LRFN2: variants seen among roughly 807,000 people sequenced by gnomAD.
LRFN2 encodes the protein leucine-rich repeat and fibronectin type-III domain-containing protein 2.
In LRFN2, 18 loss-of-function variants were observed where a neutral mutation model predicts 37.3. The ratio of observed to expected loss-of-function variants is 0.48; its 90% CI spans 0.33 to 0.72. LRFN2 has a LOEUF of 0.72. LRFN2 is among the 30% of genes least tolerant of loss of function. The pLI, the probability that LRFN2 is intolerant of heterozygous loss-of-function variation, is 0.02. For missense variants in LRFN2, 1,006 were observed against 1,060.7 expected (o/e 0.95, Z 0.72); for synonymous variants, 556 against 466.6 (o/e 1.19, Z -2.47).
chr6:40,458,218 T>A (rs761357506), intron 1 of LRFN2, among the ~76,000 whole-genome samples: 1 of 152,204 alleles, frequency 6.6e-6, no homozygotes, highest in Non-Finnish European at 1.5e-5. Context: ...GAGGAACAGA[T>A]GAAACCACTG....
chr6:40,466,741 C>T (rs180820276), intron 1 of LRFN2, among the ~76,000 whole-genome samples: 143 of 152,216 alleles, frequency 9.4e-4, no homozygotes, highest in African/African-American at 2.8e-3. Flanking sequence ...ATGAGGACAA[C>T]GTGTGCTTTA....
At chr6:40,493,563 G>A (rs1765146955) in intron 1 of LRFN2, among the ~76,000 whole-genome samples, 2 of 152,186 alleles carry the variant, frequency 1.3e-5, no homozygotes, top group African/African-American at 4.8e-5. Flanking sequence ...TACAATGGAT[G>A]AGGCCAAATG....
intron 1 of LRFN2, among the ~76,000 whole-genome samples, chr6:40,486,497 T>TG (rs985200360): frequency 6.6e-6 from 1 of 151,926 alleles, no homozygotes; most frequent in Admixed American, 6.6e-5. Flanking sequence ...ATGATGGGCT[T>TG]GGGGGGATGG....
intron 1 of LRFN2, among the ~76,000 whole-genome samples, chr6:40,571,409 AG>A (rs1173432594): frequency 6.6e-6 from 1 of 152,160 alleles, no homozygotes; most frequent in African/African-American, 2.4e-5. Flanking sequence ...CCCTCAGTAG[AG>A]CCCCTCCTCT....
intron 1 of LRFN2, among the ~76,000 whole-genome samples, chr6:40,455,295 G>A (rs1764209607): frequency 6.6e-6 from 1 of 152,122 alleles, no homozygotes. Context: ...AACACATCAT[G>A]ATCTCATGGC....
chr6:40,577,999 T>G (rs929613288), intron 1 of LRFN2, among the ~76,000 whole-genome samples: 2 of 151,952 alleles, frequency 1.3e-5, no homozygotes, highest in African/African-American at 4.8e-5. Flanking sequence ...TCCCCGTCCC[T>G]TCTGTGCCCC....
chr6:40,502,707 C>T (rs1765418254), intron 1 of LRFN2, among the ~76,000 whole-genome samples: 1 of 152,218 alleles, frequency 6.6e-6, no homozygotes, highest in Admixed American at 6.5e-5. Context: ...CCTAAGTCCT[C>T]AGAGAGTTTC....
intron 1 of LRFN2, among the ~76,000 whole-genome samples, chr6:40,499,393 T>C (rs1263406777): frequency 6.6e-6 from 1 of 152,146 alleles, no homozygotes; most frequent in Admixed American, 6.5e-5. Context: ...CAGACATTTT[T>C]TTTTTTAAAG....
intron 1 of LRFN2, among the ~76,000 whole-genome samples, chr6:40,508,126 C>A (rs554766340): frequency 6.6e-6 from 1 of 152,172 alleles, no homozygotes; most frequent in Non-Finnish European, 1.5e-5. Context: ...AGTTACCTCC[C>A]CTCCAAGCCC....
chr6:40,577,692 T>C (rs1008335794), intron 1 of LRFN2, among the ~76,000 whole-genome samples: 1 of 110,828 alleles, frequency 9.0e-6, no homozygotes, highest in Non-Finnish European at 2.0e-5. Context: ...TGTTTGGTTT[T>C]TTGTTCTTGC....
At chr6:40,461,033 C>T (rs1764336752) in intron 1 of LRFN2, among the ~76,000 whole-genome samples, 1 of 152,020 alleles carries the variant, frequency 6.6e-6, no homozygotes. Context: ...ATTTAATCAA[C>T]CAGCCAGGCA....
chr6:40,448,280 G>T (rs1201307909), intron 1 of LRFN2, among the ~76,000 whole-genome samples: 1 of 152,052 alleles, frequency 6.6e-6, no homozygotes, highest in African/African-American at 2.4e-5. Context: ...TGCTTCTCCT[G>T]CAACCCCCTG....
Position 40,400,480 on chromosome 6 carries a change from G to A in LRFN2, c.1401-7568C>T, listed in dbSNP as rs958454608. 8.8e-5 allele frequency among the ~76,000 whole-genome samples: 13 copies of A among 148,554 alleles called. No homozygotes were observed. In the Admixed American group the frequency reaches 8.8e-4, roughly 10 times the overall value. On this transcript the variant is annotated intron_variant, in intron 2 of 2. Transcript: ENST00000338305. ...CTGTCACCCAGGCTGGAGTGCAATGGCATGATCTTGGATCACTGCAGCTTC... is the reference window on the plus strand; with the variant it reads ...CTGTCACCCAGGCTGGAGTGCAATGACATGATCTTGGATCACTGCAGCTTC...
intron 1 of LRFN2, among the ~76,000 whole-genome samples, chr6:40,506,109 A>G (rs1341591030): frequency 6.6e-6 from 1 of 152,232 alleles, no homozygotes; most frequent in Non-Finnish European, 1.5e-5. Context: ...GACTAGACGC[A>G]CTTTAGAAAG....
At chr6:40,428,140 C>T (rs187932709) in intron 2 of LRFN2, among the ~76,000 whole-genome samples, 144 of 152,196 alleles carry the variant, frequency 9.5e-4, no homozygotes, top group Non-Finnish European at 1.8e-3. Flanking sequence ...AGAATAGTGA[C>T]CAGCACAAAT....
At chr6:40,576,454 G>C (rs1767279453) in intron 1 of LRFN2, among the ~76,000 whole-genome samples, 1 of 152,158 alleles carries the variant, frequency 6.6e-6, no homozygotes, top group Non-Finnish European at 1.5e-5. Context: ...GTAAATATCA[G>C]CCTGGCATTG....
intron 1 of LRFN2, among the ~76,000 whole-genome samples, chr6:40,534,976 T>A (rs1766422593): frequency 6.6e-6 from 1 of 152,156 alleles, no homozygotes; most frequent in African/African-American, 2.4e-5. Context: ...CCCAGGCCCA[T>A]GATATAGTGG....
At chr6:40,570,406 C>T (rs934326333) in intron 1 of LRFN2, among the ~76,000 whole-genome samples, 1 of 152,186 alleles carries the variant, frequency 6.6e-6, no homozygotes, top group African/African-American at 2.4e-5. Context: ...CCATTTTACA[C>T]ATGAAGAAAC....
At chr6:40,420,289 G>C (rs1763193820) in intron 2 of LRFN2, among the ~76,000 whole-genome samples, 1 of 152,246 alleles carries the variant, frequency 6.6e-6, no homozygotes, top group South Asian at 2.1e-4. Context: ...CCTGAAGATG[G>C]TGGACATTAA....
Sources: gnomAD v4.1 joint callset for allele counts (sites outside exome capture counted in the v4.1 genomes callset) on GRCh38, gnomAD v4.1.1 for gene constraint, MANE v1.5 for transcripts, NCBI Gene and HGNC (gene_info 2026-07-23, HGNC 2026-07-21) for gene names.